The following RNF38 variants were observed in gnomAD, a reference collection of about 807,000 sequenced individuals.
RNF38 encodes E3 ubiquitin-protein ligase RNF38.
A neutral mutation model predicts 67.2 loss-of-function variants in RNF38; 15 were observed. That is an observed-to-expected ratio of 0.22 (90% CI 0.15 to 0.34). The LOEUF (loss-of-function observed/expected upper bound fraction) is 0.34. RNF38 is among the 10% of genes least tolerant of loss of function. The probability of loss-of-function intolerance (pLI) is 1.00; values close to 1 mark genes in which losing one functional copy is unlikely to be tolerated. For missense variants in RNF38, 524 were observed against 639.9 expected (o/e 0.82, Z 1.95); for synonymous variants, 220 against 218.8 (o/e 1.01, Z -0.05).
At position 36,390,544 on chromosome 9, in the gene RNF38, G is replaced by T; in HGVS notation, c.85C>A (p.Gln29Lys). Residue 29 changes from glutamine to lysine, a missense_variant, in exon 2 of 12, where the codon CAG (glutamine) becomes AAG (lysine). Physicochemically the swap from Gln to Lys is moderately conservative, Grantham distance 53. This residue lies in a region of RNF38 where 461 missense variants were observed against 517.4 expected (regional missense o/e 0.89). Transcript: ENST00000259605. ...CTTGGGAGGAGAGGGAACAGGCTCTGAAGTCTCACCCTTTCACAAATCACC... is the reference window on the plus strand; with the variant it reads ...CTTGGGAGGAGAGGGAACAGGCTCTTAAGTCTCACCCTTTCACAAATCACC... ...NKVICERVRLQSLFPLLPSDQ... is the reference protein window; with the variant it reads ...NKVICERVRLKSLFPLLPSDQ... 6.2e-7 allele frequency: 1 copy of T among 1,614,052 alleles called. No individual in the cohort carries two copies. The highest frequency in any genetic ancestry group is 8.5e-7 in the Non-Finnish European group (1 of 1,179,928).
chr9:36,368,000 T>G (rs1476131233), intron 4 of RNF38, among the ~76,000 whole-genome samples: 6 of 152,078 alleles, frequency 3.9e-5, no homozygotes, highest in Admixed American at 3.9e-4. Context: ...TACAGGTGCC[T>G]GCCATCACGT....
chr9:36,376,213 T>C (rs1187870719), intron 2 of RNF38, 86 bp from the exon 3 acceptor site: 4 of 996,880 alleles, frequency 4.0e-6, no homozygotes, highest in Non-Finnish European at 5.7e-6. Flanking sequence ...AGGATGTACT[T>C]AACCTAAAAT....
intron 9 of RNF38, among the ~76,000 whole-genome samples, chr9:36,345,163 C>T (rs1036807093): frequency 4.6e-5 from 7 of 152,028 alleles, no homozygotes; most frequent in South Asian, 4.1e-4. Context: ...GCTACAATTG[C>T]GTACCACTGC....
intron 2 of RNF38, among the ~76,000 whole-genome samples, chr9:36,416,094 C>T (rs775897457): frequency 1.9e-4 from 29 of 151,100 alleles, no homozygotes; most frequent in Non-Finnish European, 3.8e-4. Context: ...TTTTGTTTTA[C>T]GCTACCAGGG....
intron 11 of RNF38, among the ~76,000 whole-genome samples, chr9:36,341,706 G>A (rs988209214): frequency 6.6e-5 from 10 of 151,674 alleles, no homozygotes; most frequent in Non-Finnish European, 1.3e-4. Context: ...ACCCAGTCTC[G>A]CTTGAGCCTG....
upstream of RNF38, among the ~76,000 whole-genome samples, chr9:36,404,747 T>C (rs1255830913): frequency 6.6e-6 from 1 of 152,358 alleles, no homozygotes; most frequent in Middle Eastern, 3.4e-3. Context: ...CCTTGTCTAC[T>C]TGGCAGAAAA....
chr9:36,475,026 G>A (rs1292622872), intron 1 of RNF38, among the ~76,000 whole-genome samples: 2 of 145,236 alleles, frequency 1.4e-5, no homozygotes, highest in African/African-American at 2.6e-5. Flanking sequence ...CTTGTCGTCC[G>A]AGCTACCCAC....
At chr9:36,398,671 G>A (rs1334501822) in intron 1 of RNF38, among the ~76,000 whole-genome samples, 1 of 152,204 alleles carries the variant, frequency 6.6e-6, no homozygotes, top group Non-Finnish European at 1.5e-5. Flanking sequence ...GTTAAGTAGA[G>A]TAAAATGGAA....
rs565947669 is a variant in RNF38, at chr9:36,344,522, G to C, written c.1385+310C>G. ...CTAAGCAACATAAAAATCCAGAACA[G>C]CCCTAACAGAACTTTCTAAGATGAC... On this transcript the variant is annotated intron_variant, in intron 10 of 11. Transcript: ENST00000259605. 3.3e-5 allele frequency among the ~76,000 whole-genome samples: 5 copies of C among 152,264 alleles called. No individual in the cohort carries two copies. In the East Asian group the frequency reaches 9.6e-4, roughly 29 times the overall value.
intron 2 of RNF38, among the ~76,000 whole-genome samples, chr9:36,408,415 G>T (rs1838235965): frequency 1.3e-5 from 2 of 152,102 alleles, no homozygotes; most frequent in South Asian, 4.1e-4. Flanking sequence ...GGAAAGATAG[G>T]CTAGCCCTAT....
At chr9:36,421,274 G>C (rs745887109) in intron 2 of RNF38, among the ~76,000 whole-genome samples, 3 of 152,166 alleles carry the variant, frequency 2.0e-5, no homozygotes, top group Non-Finnish European at 4.4e-5. Flanking sequence ...ACTTGCATTC[G>C]ATACAGAAGA....
chr9:36,339,836 T>C (rs748383941), intron 11 of RNF38, 22 bp from the exon 12 acceptor site: 8 of 1,592,756 alleles, frequency 5.0e-6, no homozygotes. Context: ...AAAGGAAAAC[T>C]TGTTTAAATT....
intron 9 of RNF38, among the ~76,000 whole-genome samples, chr9:36,348,134 G>A (rs941526978): frequency 7.9e-5 from 12 of 152,064 alleles, no homozygotes; most frequent in African/African-American, 2.2e-4. Context: ...ATGTCAAAGC[G>A]GAGACAGGCC....
At chr9:36,422,082 AT>A (rs1312783862) in intron 2 of RNF38, among the ~76,000 whole-genome samples, 1 of 151,982 alleles carries the variant, frequency 6.6e-6, no homozygotes, top group Non-Finnish European at 1.5e-5. Flanking sequence ...AAATACAAAA[AT>A]TAGCCAGGCA....
At chr9:36,458,145 A>G (rs2134362788) in intron 1 of RNF38, among the ~76,000 whole-genome samples, 1 of 152,310 alleles carries the variant, frequency 6.6e-6, no homozygotes, top group East Asian at 1.9e-4. Context: ...AGTAGTAATG[A>G]GAGGTGAAGC....
chr9:36,400,957 C>T (rs776296975), upstream of RNF38: 291 of 984,902 alleles, frequency 3.0e-4, 1 homozygote, highest in African/African-American at 4.7e-3. Flanking sequence ...GATCACAGAC[C>T]CGGGCTCCCT....
At chr9:36,464,749 A>G (rs1406084529) in intron 1 of RNF38, among the ~76,000 whole-genome samples, 2 of 152,212 alleles carry the variant, frequency 1.3e-5, no homozygotes, top group African/African-American at 4.8e-5. Flanking sequence ...TAAAATACAG[A>G]TAAATCTAAA....
At chr9:36,371,819 G>A (rs1835401136) in intron 3 of RNF38, among the ~76,000 whole-genome samples, 1 of 151,864 alleles carries the variant, frequency 6.6e-6, no homozygotes, top group African/African-American at 2.4e-5. Flanking sequence ...TAGAACTTAT[G>A]ACTCTGTGTT....
At chr9:36,442,089 C>T (rs1262392919) in intron 1 of RNF38, among the ~76,000 whole-genome samples, 1 of 152,090 alleles carries the variant, frequency 6.6e-6, no homozygotes, top group Non-Finnish European at 1.5e-5. Flanking sequence ...GGGGGAGAGT[C>T]AAATCTGTCC....
Sources: allele counts gnomAD v4.1 joint callset (sites outside exome capture counted in the v4.1 genomes callset), GRCh38; gene constraint gnomAD v4.1.1; regional missense constraint gnomAD v4.1.1; transcripts MANE v1.5; gene names NCBI Gene and HGNC (gene_info 2026-07-23, HGNC 2026-07-21).